MYLIP: variants seen among roughly 807,000 people sequenced by gnomAD.
MYLIP encodes E3 ubiquitin-protein ligase MYLIP.
In MYLIP, 26 loss-of-function variants were observed where a neutral mutation model predicts 45.8. That is an observed-to-expected ratio of 0.57 (90% CI 0.42 to 0.79). The LOEUF (loss-of-function observed/expected upper bound fraction) is 0.79. MYLIP is among the 30% of genes least tolerant of loss of function. The pLI is 0.00. For synonymous variants in MYLIP, 213 were observed against 218.1 expected, an observed-to-expected ratio of 0.98 and a Z score of 0.21; for missense variants, 494 against 555.6, an observed-to-expected ratio of 0.89 and a Z score of 1.11.
At chr6:16,146,476 C>A (rs1016843735) in intron 6 of MYLIP, among the ~76,000 whole-genome samples, 186 bp from the exon 7 acceptor site, 1 of 152,056 alleles carries the variant, frequency 6.6e-6, no homozygotes, top group Admixed American at 6.5e-5. Flanking sequence ...ATTTTTAAGC[C>A]CTTGTAAAGT....
intron 2 of MYLIP, among the ~76,000 whole-genome samples, chr6:16,133,727 A>C (rs1297702403): frequency 2.6e-5 from 4 of 152,204 alleles, no homozygotes; most frequent in Admixed American, 1.3e-4. Flanking sequence ...TAATTATACC[A>C]TCCACTGCCA....
the MYLIP span, among the ~76,000 whole-genome samples, chr6:16,156,465 T>C: frequency 6.6e-6 from 1 of 152,204 alleles, no homozygotes; most frequent in Admixed American, 6.5e-5. Flanking sequence ...GTGGTGGACT[T>C]CTTTCCAAAA....
intron 2 of MYLIP, among the ~76,000 whole-genome samples, chr6:16,135,590 C>T (rs1212281613): frequency 6.6e-6 from 1 of 151,866 alleles, no homozygotes; most frequent in African/African-American, 2.4e-5. Flanking sequence ...TGTGGTGGTT[C>T]ACGTTAGATA....
At chr6:16,130,125 G>C (rs1382749898) in intron 1 of MYLIP, among the ~76,000 whole-genome samples, 3 of 152,206 alleles carry the variant, frequency 2.0e-5, no homozygotes, top group Non-Finnish European at 4.4e-5. Context: ...AAGCTTAGCT[G>C]ACACTTGTGG....
Position 16,130,163 on chromosome 6 carries a change from G to T in MYLIP, c.88-394G>T, listed in dbSNP as rs749605563. 4.6e-5 allele frequency among the ~76,000 whole-genome samples: 7 copies of T among 152,264 alleles called. No individual in the cohort carries two copies. In the East Asian group the frequency reaches 7.7e-4, roughly 17 times the overall value. On this transcript the variant is annotated intron_variant, in intron 1 of 6. Coordinates refer to ENST00000356840, the MANE Select transcript of MYLIP (RefSeq NM_013262.4). ...TGTTCCCTCAATGTGTTTGATTTTT[G>T]GAGTCCAAATGGTTAAAATTGCCCA...
Position 16,143,715 on chromosome 6 carries a change from G to C in MYLIP, c.679G>C (p.Val227Leu), listed in dbSNP as rs1194279447. Reference sequence around the variant, plus strand: ...GTCTCTTAGGATAGCTTATCCTGTGGTGCAGATGGCCACCCAGTCAGGAAA... The same window carrying C: ...GTCTCTTAGGATAGCTTATCCTGTGCTGCAGATGGCCACCCAGTCAGGAAA... ...SPINRIAYPVVQMATQSGKNV... is the reference protein window; with the variant it reads ...SPINRIAYPVLQMATQSGKNV... Residue 227 changes from valine to leucine, a missense_variant, in exon 5 of 7, where the codon GTG becomes CTG. Physicochemically the swap from Val to Leu is conservative, Grantham distance 32 (BLOSUM62 1). Coordinates refer to ENST00000356840, the MANE Select transcript of MYLIP (RefSeq NM_013262.4). The C allele has an allele frequency of 6.2e-7, 1 of 1,613,954 alleles. No individual in the cohort carries two copies. Among genetic ancestry groups the C allele is most frequent in the Non-Finnish European group, 8.5e-7 (1 of 1,180,004 alleles).
rs749114638 is a variant in MYLIP at position 16,146,615 on chromosome 6, C to T, written c.1249-47C>T. The stretch of plus-strand genomic sequence containing the variant: ...GGTGTGCACAGAGACACAGGCCCCC[C>T]ACCGAGGCTTGCATGCTAACAGAGA... On this transcript the variant is annotated intron_variant, in intron 6 of 6. Transcript: ENST00000356840. 4.7e-6 allele frequency: 7 copies of T among 1,494,676 alleles called. No individual in the cohort carries two copies. In the East Asian group the frequency reaches 1.4e-4, roughly 30 times the overall value. The allele number at this position is 1,494,676 out of a possible 1,614,324, so 92.6% of individuals were successfully genotyped here. A position where few individuals can be genotyped will look rare whatever the true frequency, so the allele number is the denominator to read the frequency against.
At chr6:16,151,125 G>A (rs1759873201), downstream of MYLIP, among the ~76,000 whole-genome samples, 1 of 152,076 alleles carries the variant, frequency 6.6e-6, no homozygotes, top group East Asian at 1.9e-4. Flanking sequence ...CGAGGCGGGT[G>A]GATCACGAGG....
chr6:16,130,817 C>T, intron 2 of MYLIP, 70 bp downstream of exon 2: 1 of 1,420,730 alleles, frequency 7.0e-7, no homozygotes, highest in Non-Finnish European at 9.5e-7. Context: ...GCTGCACCTT[C>T]CCAGAGATAC....
rs556177484 is a variant in MYLIP at position 16,129,575 on chromosome 6, C to T, written c.87+166C>T. Among the ~76,000 whole-genome samples the T allele has an allele frequency of 3.5e-3, 538 of 152,210 alleles. 2 individuals carry two copies. The highest frequency in any genetic ancestry group is 0.014 in the Middle Eastern group (4 of 292). On this transcript the variant is annotated intron_variant, in intron 1 of 6. Transcript: ENST00000356840. The surrounding 1 kb of genome is among the most constrained non-coding windows in gnomAD (Gnocchi z 5.1). ...TCTCCACGGGCGTGGGGCGCGCGGT[C>T]TCCTCCTGGCGCGCGTGGGGTGCGC...
intron 2 of MYLIP, among the ~76,000 whole-genome samples, chr6:16,135,759 A>ATATATATATATATG (rs1759540687): frequency 9.4e-6 from 1 of 106,174 alleles, no homozygotes; most frequent in Non-Finnish European, 2.0e-5. Flanking sequence ...ATATATCTAT[A>ATATATATATATATG]TATATATATA....
chr6:16,145,797 C>T (rs1034930348), intron 6 of MYLIP, among the ~76,000 whole-genome samples: 3 of 152,126 alleles, frequency 2.0e-5, no homozygotes, highest in Non-Finnish European at 4.4e-5. Context: ...ATTGCAAATG[C>T]CTCAAGGGCA....
chr6:16,142,958 T>A, intron 3 of MYLIP, 62 bp from the exon 4 acceptor site: 1 of 1,503,944 alleles, frequency 6.6e-7, no homozygotes, highest in Non-Finnish European at 9.1e-7. Context: ...GAAGACTACA[T>A]AGGTTTATCT....
the MYLIP span, among the ~76,000 whole-genome samples, chr6:16,161,613 T>C: frequency 6.6e-6 from 1 of 152,340 alleles, no homozygotes; most frequent in East Asian, 1.9e-4. Flanking sequence ...ACCTATTTTT[T>C]GGCAGTCGAT....
chr6:16,129,309 C>A lies in MYLIP; in HGVS notation c.-14C>A. ...AAAGAGAAGGCGGCTGTGGCGGCAGCGGCAGCCCCAGCCATGCTGTGTTAT... is the reference window on the plus strand; with the variant it reads ...AAAGAGAAGGCGGCTGTGGCGGCAGAGGCAGCCCCAGCCATGCTGTGTTAT... On this transcript the variant is annotated 5_prime_UTR_variant, in exon 1 of 7. Transcript: ENST00000356840. This position sits in a 1 kb window ranked among gnomAD's most constrained non-coding sequence, Gnocchi z 5.1. 1 of 1,555,564 alleles carries A rather than the reference C, an allele frequency of 6.4e-7. No homozygotes were observed. Among genetic ancestry groups the A allele is most frequent in the Non-Finnish European group, 8.7e-7 (1 of 1,151,230 alleles).
At chr6:16,158,825 G>A in the MYLIP span, among the ~76,000 whole-genome samples, 2 of 152,108 alleles carry the variant, frequency 1.3e-5, no homozygotes, top group African/African-American at 4.8e-5. Context: ...AGCCGAGATC[G>A]CGCCACTGCA....
rs1369059161 is a variant in MYLIP, at chr6:16,144,838, G to A, written c.828-59G>A. On this transcript the variant is annotated intron_variant, in intron 5 of 6. Coordinates refer to ENST00000356840, the MANE Select transcript of MYLIP (RefSeq NM_013262.4). ...CATTTCTGTTCTTATTGACAACAGC[G>A]AATAAGGGTGCTGCCAGGCTCTTTG... 1.1e-5 allele frequency: 17 copies of A among 1,537,934 alleles called. No homozygotes were observed. In the East Asian group the frequency reaches 3.4e-4, roughly 31 times the overall value.
At chr6:16,130,444 G>GT in intron 1 of MYLIP, 113 bp from the exon 2 acceptor site, 3 of 1,064,480 alleles carry the variant, frequency 2.8e-6, no homozygotes, top group Non-Finnish European at 4.1e-6. Flanking sequence ...ATCAGGAATT[G>GT]TAACACCATT....
chr6:16,135,034 G>A (rs1759523104), intron 2 of MYLIP, among the ~76,000 whole-genome samples: 1 of 152,182 alleles, frequency 6.6e-6, no homozygotes, highest in African/African-American at 2.4e-5. Flanking sequence ...GACACTAGGT[G>A]TGTTTCCTCT....
Sources: allele counts gnomAD v4.1 joint callset (sites outside exome capture counted in the v4.1 genomes callset), GRCh38; gene constraint gnomAD v4.1.1; non-coding constraint Gnocchi (gnomAD v3.1); transcripts MANE v1.5; gene names NCBI Gene and HGNC (gene_info 2026-07-23, HGNC 2026-07-21).